CPSF2: variants seen among roughly 807,000 people sequenced by gnomAD.
CPSF2 encodes cleavage and polyadenylation specific factor 2, also known as cleavage and polyadenylation specificity factor subunit 2.
In CPSF2, 51 loss-of-function variants were observed where a neutral mutation model predicts 84.2. The ratio of observed to expected loss-of-function variants is 0.61; its 90% CI spans 0.48 to 0.77. The LOEUF (loss-of-function observed/expected upper bound fraction) is 0.77, where lower values mean the gene tolerates loss of function less well. CPSF2 is among the 30% of genes least tolerant of loss of function. The pLI, the probability that CPSF2 is intolerant of heterozygous loss-of-function variation, is 0.00. For missense variants in CPSF2, 641 were observed against 929.4 expected (o/e 0.69, Z 4.03); for synonymous variants, 286 against 311.9 (o/e 0.92, Z 0.87).
rs1159183131 is a variant in CPSF2, at chr14:92,161,930, T to G, written c.*186T>G. ...CAAATGCTCAAATGAGCATTCTATC[T>G]TTTGGCTTTCAGAGTGATAGAGCTC... On this transcript the variant is annotated 3_prime_UTR_variant, in exon 16 of 16. Transcript: ENST00000298875. The G allele has an allele frequency of 8.5e-6, 4 of 470,014 alleles. No individual in the cohort carries two copies. Among genetic ancestry groups the G allele is most frequent in the Non-Finnish European group, 1.5e-5 (4 of 270,878 alleles). The allele number at this position is 470,014 out of a possible 1,614,324, so 29.1% of individuals were successfully genotyped here.
chr14:92,145,187 A>C (rs1449461098), intron 9 of CPSF2, among the ~76,000 whole-genome samples: 1 of 152,212 alleles, frequency 6.6e-6, no homozygotes, highest in Non-Finnish European at 1.5e-5. Flanking sequence ...AAACCTTAAC[A>C]TAAAGCAGTA....
At position 92,122,009 on chromosome 14, in the gene CPSF2, C is replaced by T. The variant is rs1567012942; in HGVS notation, c.-213C>T. 8 of 633,474 alleles carry T rather than the reference C, an allele frequency of 1.3e-5. No individual in the cohort carries two copies. The highest frequency in any genetic ancestry group is 2.8e-5 in the East Asian group (1 of 35,900). 39.2% of individuals were successfully genotyped at this position (633,474 alleles called of 1,614,324 possible). A position where few individuals can be genotyped will look rare whatever the true frequency, so the allele number is the denominator to read the frequency against. ...CAAAATGGCGGCTGCCACTGTGGGG[C>T]TTCTGCCGGCCGGTAGTCCCTGGCG... On this transcript the variant is annotated 5_prime_UTR_variant, in exon 1 of 16. Transcript: ENST00000298875.
Position 92,163,356 on chromosome 14 carries a change from A to G in CPSF2, c.*1612A>G, listed in dbSNP as rs1404632056. 1 of 124,546 alleles carries G rather than the reference A, an allele frequency of 8.0e-6. No individual in the cohort carries two copies. Among genetic ancestry groups the G allele is most frequent in the Non-Finnish European group, 1.6e-5 (1 of 62,228 alleles). 7.7% of individuals were successfully genotyped at this position (124,546 alleles called of 1,614,324 possible). On this transcript the variant is annotated 3_prime_UTR_variant, in exon 16 of 16. Transcript: ENST00000298875. ...TTAATGCAAAGTTTACAGACTTTTG[A>G]TATGGAAAACCAGATAAAACAATGT...
chr14:92,135,004 G>A (rs1054921702), intron 5 of CPSF2, among the ~76,000 whole-genome samples: 7 of 152,068 alleles, frequency 4.6e-5, no homozygotes, highest in African/African-American at 1.4e-4. Context: ...TAGTTTAGAC[G>A]TTAGCAAAAA....
chr14:92,137,628 A>G (rs965786852), intron 6 of CPSF2, among the ~76,000 whole-genome samples: 18 of 152,240 alleles, frequency 1.2e-4, no homozygotes, highest in African/African-American at 4.1e-4. Flanking sequence ...AGTACTATGT[A>G]TTAACAGTAA....
Position 92,134,048 on chromosome 14 carries a change from C to G in CPSF2, c.187C>G (p.Pro63Ala). Reference sequence around the variant, plus strand: ...GATTGATGCAGTGCTGTTGTCTCACCCTGATCCTCTCCACCTTGGTGCCCT... The same window carrying G: ...GATTGATGCAGTGCTGTTGTCTCACGCTGATCCTCTCCACCTTGGTGCCCT... Reference protein sequence around the residue: ...HQIDAVLLSHPDPLHLGALPY... With the variant: ...HQIDAVLLSHADPLHLGALPY... The change falls in exon 4 of 16, where the codon CCT becomes GCT. Residue 63 changes from proline to alanine, a missense_variant. Transcript: ENST00000298875. 1 of 1,614,152 alleles carries G rather than the reference C, an allele frequency of 6.2e-7. No homozygotes were observed. Among genetic ancestry groups the G allele is most frequent in the East Asian group, 2.2e-5 (1 of 44,880 alleles).
intron 2 of CPSF2, among the ~76,000 whole-genome samples, chr14:92,129,189 G>A (rs1388280274): frequency 1.3e-5 from 2 of 152,126 alleles, no homozygotes; most frequent in East Asian, 1.9e-4. Flanking sequence ...TGAGAAGGCC[G>A]TAAGAGGAAG....
Position 92,157,873 on chromosome 14 carries a change from C to A in CPSF2, c.1810C>A (p.His604Asn). The A allele has an allele frequency of 6.2e-7, 1 of 1,611,192 alleles. No homozygotes were observed. The highest frequency in any genetic ancestry group is 1.1e-5 in the South Asian group (1 of 91,016). ...AACAGTTGATGCCACTAGTGAAACTCACATCTACCAGGTAAACATGCCAGG... is the reference window on the plus strand; with the variant it reads ...AACAGTTGATGCCACTAGTGAAACTAACATCTACCAGGTAAACATGCCAGG... Reference protein sequence around the residue: ...HETVDATSETHIYQVRLKDSL... With the variant: ...HETVDATSETNIYQVRLKDSL... The change falls in exon 13 of 16, where the codon CAC (histidine) becomes AAC (asparagine). Residue 604 changes from histidine to asparagine, a missense_variant. Coordinates refer to ENST00000298875, the MANE Select transcript of CPSF2 (RefSeq NM_017437.3). The surrounding 1 kb of genome is among the most constrained non-coding windows in gnomAD (Gnocchi z 4.0).
rs2069438135 is a variant in CPSF2, at chr14:92,165,854, C to CTTTTG, written c.*4114_*4115insGTTTT. 2.6e-4 allele frequency: 13 copies of CTTTTG among 50,622 alleles called. No homozygotes were observed. Among genetic ancestry groups the CTTTTG allele is most frequent in the African/African-American group, 1.1e-3 (12 of 10,756 alleles). The allele number at this position is 50,622 out of a possible 1,614,324, so 3.1% of individuals were successfully genotyped here. Reference sequence around the variant, plus strand: ...CAGTTCTTTGTGCTTGGTTTTATATCTTTTTTTTTTTTTTTTTTTTTTTTT... The same window carrying CTTTTG: ...CAGTTCTTTGTGCTTGGTTTTATATCTTTTGTTTTTTTTTTTTTTTTTTTTTTTTT... On this transcript the variant is annotated 3_prime_UTR_variant, in exon 16 of 16. Transcript: ENST00000298875.
chr14:92,140,329 C>T (rs1440106106), intron 7 of CPSF2, among the ~76,000 whole-genome samples: 2 of 151,998 alleles, frequency 1.3e-5, no homozygotes, highest in Non-Finnish European at 2.9e-5. Flanking sequence ...TGGTTCACGC[C>T]TGACATTGTG....
intron 9 of CPSF2, among the ~76,000 whole-genome samples, chr14:92,148,271 A>G (rs1212177642): frequency 1.3e-5 from 2 of 152,204 alleles, no homozygotes; most frequent in African/African-American, 2.4e-5. Flanking sequence ...TTTATCACTT[A>G]TATACACATA....
Position 92,142,322 on chromosome 14 carries a change from T to TA in CPSF2, c.821dup (p.Tyr274Ter). Residue 274 changes from tyrosine to a stop codon, truncating the protein, a stop_gained and frameshift_variant, in exon 8 of 16, where the codon TAC (tyrosine) becomes TAAC (stop). Coordinates refer to ENST00000298875, the MANE Select transcript of CPSF2 (RefSeq NM_017437.3). LOFTEE classifies it high-confidence loss of function. The stretch of plus-strand genomic sequence containing the variant: ...ATTGGCACTCCTAAATAATGTCAGT[T>TA]ACAATGTGGTGGAGTTTTCTAAGTC... ...YSLALLNNVS[Y>*]NVVEFSKSQV... 1 of 1,613,232 alleles carries TA rather than the reference T, an allele frequency of 6.2e-7. No homozygotes were observed. Among genetic ancestry groups the TA allele is most frequent in the East Asian group, 2.2e-5 (1 of 44,864 alleles).
In CPSF2 at chr14:92,170,347, T is replaced by G. The variant is rs1008822546; in HGVS notation, c.*8603T>G. ...GTATTCACATTATTTTTTGAACTGT[T>G]TGTTACTAAGTTGCAATTGTGATGT... On this transcript the variant is annotated 3_prime_UTR_variant, in exon 16 of 16. Transcript: ENST00000298875. The G allele has an allele frequency of 8.5e-5, 13 of 152,244 alleles. No homozygotes were observed. Among genetic ancestry groups the G allele is most frequent in the African/African-American group, 2.9e-4 (12 of 41,476 alleles). The allele number at this position is 152,244 out of a possible 1,614,324, so 9.4% of individuals were successfully genotyped here.
intron 1 of CPSF2, among the ~76,000 whole-genome samples, chr14:92,125,765 G>C (rs569948698): frequency 6.6e-6 from 1 of 151,882 alleles, no homozygotes; most frequent in Non-Finnish European, 1.5e-5. Flanking sequence ...TGAGATGTCT[G>C]GTATTCCTTT....
chr14:92,131,129 A>C lies in CPSF2; in HGVS notation c.145A>C (p.Arg49=). ...TTCTATGGATATTATTGATTCCCTG[A>C]GGAAGTAAGTTACATTTCATAATTC... The part of the protein sequence containing the change: ...HFSMDIIDSL[R]KHVHQIDAVL... The change falls in exon 3 of 16, where the codon AGG becomes CGG. Residue 49 remains arginine, a synonymous_variant. Coordinates refer to ENST00000298875, the MANE Select transcript of CPSF2 (RefSeq NM_017437.3). The C allele has an allele frequency of 6.2e-7, 1 of 1,600,424 alleles. No individual in the cohort carries two copies. Among genetic ancestry groups the C allele is most frequent in the Admixed American group, 1.8e-5 (1 of 56,680 alleles).
chr14:92,130,730 A>G (rs145314746), intron 2 of CPSF2, among the ~76,000 whole-genome samples: 17 of 152,186 alleles, frequency 1.1e-4, no homozygotes, highest in South Asian at 1.0e-3. Context: ...TGTGTCTAAG[A>G]TTATCTTTGT....
At chr14:92,143,941 T>C (rs1474911458) in intron 9 of CPSF2, among the ~76,000 whole-genome samples, 1 of 152,206 alleles carries the variant, frequency 6.6e-6, no homozygotes, top group Non-Finnish European at 1.5e-5. Context: ...TGTCTCTTGC[T>C]TAATTTAAAT....
chr14:92,154,341 CTT>C lies in CPSF2; in HGVS notation c.1141-14_1141-13del. ...TTAACATATTAACATTTCCTTTTGT[CTT>C]TTATTTTTTTTTAGTTGAGGAAACG... is the stretch of plus-strand genomic sequence containing the variant. On this transcript the variant is annotated splice_polypyrimidine_tract_variant and intron_variant, in intron 9 of 15. Transcript: ENST00000298875. The C allele has an allele frequency of 6.4e-7, 1 of 1,572,320 alleles. No individual in the cohort carries two copies. The highest frequency in any genetic ancestry group is 1.2e-5 in the South Asian group (1 of 85,960).
At chr14:92,160,923 T>A (rs1289031758) in intron 14 of CPSF2, among the ~76,000 whole-genome samples, 189 bp from the exon 15 acceptor site, 3 of 152,182 alleles carry the variant, frequency 2.0e-5, no homozygotes, top group Non-Finnish European at 2.9e-5. Flanking sequence ...TTAAATAATG[T>A]TAAATAATGG....
Sources: gnomAD v4.1 joint callset for allele counts (sites outside exome capture counted in the v4.1 genomes callset) on GRCh38, gnomAD v4.1.1 for gene constraint, Gnocchi (gnomAD v3.1) non-coding constraint, MANE v1.5 for transcripts, NCBI Gene and HGNC (gene_info 2026-07-23, HGNC 2026-07-21) for gene names.